Variants in MFSD11 observed in about 807,000 individuals in gnomAD.
MFSD11 encodes UNC93-like protein MFSD11.
Under a neutral mutation model 53.5 loss-of-function variants are expected in MFSD11, and 36 were observed. The ratio of observed to expected loss-of-function variants is 0.67; its 90% confidence interval spans 0.52 to 0.89. MFSD11 has a LOEUF of 0.89. MFSD11 is among the 40% of genes least tolerant of loss of function. The probability of loss-of-function intolerance (pLI) is 0.00; values close to 1 mark genes in which losing one functional copy is unlikely to be tolerated. For missense variants in MFSD11, 530 were observed against 543.9 expected, an observed-to-expected ratio of 0.97 and a Z score of 0.25; for synonymous variants, 186 against 184.9, an observed-to-expected ratio of 1.01 and a Z score of -0.05.
downstream of MFSD11, among the ~76,000 whole-genome samples, chr17:76,780,662 T>C (rs1419510168): frequency 6.6e-6 from 1 of 152,016 alleles, no homozygotes; most frequent in Non-Finnish European, 1.5e-5. Flanking sequence ...ATTACAGGCA[T>C]GCACCACCCC....
At chr17:76,772,498 C>T (rs563601973) in intron 10 of MFSD11, among the ~76,000 whole-genome samples, 10 of 150,574 alleles carry the variant, frequency 6.6e-5, no homozygotes, top group South Asian at 6.3e-4. Flanking sequence ...CTATTGTTAA[C>T]GCTCTACCTT....
At chr17:76,750,840 C>G (rs1174940128) in intron 7 of MFSD11, among the ~76,000 whole-genome samples, 2 of 146,320 alleles carry the variant, frequency 1.4e-5, no homozygotes, top group Non-Finnish European at 3.0e-5. Flanking sequence ...GTCTCGCTCT[C>G]TCACCCAGGC....
At chr17:76,791,066 A>G in the MFSD11 span, among the ~76,000 whole-genome samples, 2 of 148,942 alleles carry the variant, frequency 1.3e-5, no homozygotes, top group Non-Finnish European at 3.0e-5. Flanking sequence ...AGAAGGTCAA[A>G]CTTGACCTTC....
At chr17:76,758,146 T>C (rs2079834946) in intron 8 of MFSD11, among the ~76,000 whole-genome samples, 1 of 152,148 alleles carries the variant, frequency 6.6e-6, no homozygotes, top group Non-Finnish European at 1.5e-5. Flanking sequence ...CCCATGCTCA[T>C]AGAGGAATAT....
intron 5 of MFSD11, among the ~76,000 whole-genome samples, chr17:76,742,571 C>T (rs142645741): frequency 0.024 from 3,618 of 151,734 alleles, 144 homozygotes; most frequent in African/African-American, 0.082. Context: ...GGCACGATCT[C>T]GGCTTACTGC....
intron 1 of MFSD11, among the ~76,000 whole-genome samples, chr17:76,738,678 C>T (rs551529985): frequency 1.3e-5 from 2 of 152,186 alleles, no homozygotes; most frequent in East Asian, 3.9e-4. Flanking sequence ...TGGATGTTAA[C>T]CTGGTTATTT....
intron 1 of MFSD11, 69 bp from the exon 2 acceptor site, chr17:76,738,869 G>T: frequency 8.2e-7 from 1 of 1,223,152 alleles, no homozygotes; most frequent in Non-Finnish European, 1.2e-6. Flanking sequence ...AGTACTTGGA[G>T]TCACACTTCC....
At chr17:76,763,282 T>C (rs2144680894) in intron 8 of MFSD11, among the ~76,000 whole-genome samples, 1 of 152,142 alleles carries the variant, frequency 6.6e-6, no homozygotes, top group Middle Eastern at 3.4e-3. Flanking sequence ...TTTTTTTTTT[T>C]GAGGTGGAGT....
At chr17:76,796,748 T>A in the MFSD11 span, among the ~76,000 whole-genome samples, 3 of 142,246 alleles carry the variant, frequency 2.1e-5, no homozygotes, top group South Asian at 2.2e-4. Flanking sequence ...GAAGTGGATC[T>A]GAGGTCAAGA....
rs553170294 is a variant in MFSD11 at position 76,741,196 on chromosome 17, A to G, written c.260+132A>G. On this transcript the variant is annotated intron_variant, in intron 3 of 12. Transcript: ENST00000685175. The stretch of plus-strand genomic sequence containing the variant: ...GGTGGTATTTTACGAATTTTGGCTC[A>G]GTACTTGTTGCTCAGGGATATCATA... The G allele has an allele frequency of 2.5e-5, 16 of 642,846 alleles. 1 individual carries two copies. Among genetic ancestry groups the G allele is most frequent in the Middle Eastern group, 3.0e-4 (1 of 3,294 alleles). 39.8% of individuals were successfully genotyped at this position (642,846 alleles called of 1,614,324 possible).
chr17:76,796,422 G>A, the MFSD11 span, among the ~76,000 whole-genome samples: 5 of 151,954 alleles, frequency 3.3e-5, no homozygotes, highest in African/African-American at 4.8e-5. Flanking sequence ...AGTCTACATC[G>A]TACAGTCTAC....
the MFSD11 span, among the ~76,000 whole-genome samples, chr17:76,798,744 G>A: frequency 1.3e-5 from 2 of 152,182 alleles, no homozygotes; most frequent in Admixed American, 6.6e-5. Flanking sequence ...ATAAGGAAAT[G>A]AGGCAGGGCA....
rs373677182 is a variant in MFSD11 at position 76,743,773 on chromosome 17, C to T, written c.496+317C>T. Among the ~76,000 whole-genome samples the T allele has an allele frequency of 1.4e-4, 22 of 152,216 alleles. No individual in the cohort carries two copies. In the East Asian group the frequency reaches 1.9e-3, roughly 13 times the overall value. The stretch of plus-strand genomic sequence containing the variant: ...CTGGGATTACAGGCCTGCACCACCA[C>T]GCCCAGCTAATTTTGTATTTTTAGT... On this transcript the variant is annotated intron_variant, in intron 6 of 12. Coordinates refer to ENST00000685175, the MANE Select transcript of MFSD11 (RefSeq NM_001242532.5).
chr17:76,742,043 C>T lies in MFSD11; in HGVS notation c.335C>T (p.Ala112Val), dbSNP rs375253677. 6.2e-7 allele frequency: 1 copy of T among 1,614,090 alleles called. No individual in the cohort carries two copies. Among genetic ancestry groups the T allele is most frequent in the Non-Finnish European group, 8.5e-7 (1 of 1,180,044 alleles). The change falls in exon 4 of 13, where the codon GCT becomes GTT. Residue 112 changes from alanine (A) to valine (V), a missense_variant. Ala to Val is a moderately conservative substitution (Grantham distance 64, BLOSUM62 0). Transcript: ENST00000685175. ...YTASVFIGIAAAVLWTAQGNC... is the reference protein window; with the variant it reads ...YTASVFIGIAVAVLWTAQGNC... ...GCCTCTGTTTTCATTGGAATTGCTGCTGCTGGTAAGCATTTTGATTTTTAA... is the reference window on the plus strand; with the variant it reads ...GCCTCTGTTTTCATTGGAATTGCTGTTGCTGGTAAGCATTTTGATTTTTAA...
chr17:76,777,627 TG>T (rs1320526310), intron 12 of MFSD11, among the ~76,000 whole-genome samples: 1 of 152,156 alleles, frequency 6.6e-6, no homozygotes, highest in Non-Finnish European at 1.5e-5. Flanking sequence ...AAATGAAAGT[TG>T]GGGACATCCT....
At chr17:76,770,035 T>TC (rs1382645694) in intron 10 of MFSD11, among the ~76,000 whole-genome samples, 164 bp downstream of exon 10, 1 of 147,404 alleles carries the variant, frequency 6.8e-6, no homozygotes, top group African/African-American at 2.5e-5. Context: ...CTTTTTCTTT[T>TC]TTTTTTTTTT....
At chr17:76,743,170 T>G (rs907562859) in intron 5 of MFSD11, among the ~76,000 whole-genome samples, 2 of 152,176 alleles carry the variant, frequency 1.3e-5, no homozygotes. Context: ...TGCCTCTGAA[T>G]CAGGTTACTG....
At chr17:76,758,089 G>A (rs1453360545) in intron 8 of MFSD11, among the ~76,000 whole-genome samples, 1 of 152,102 alleles carries the variant, frequency 6.6e-6, no homozygotes, top group Non-Finnish European at 1.5e-5. Context: ...AGATTCATTT[G>A]CAAACATCAG....
chr17:76,745,535 T>G (rs1371561613), intron 7 of MFSD11: 1 of 152,254 alleles, frequency 6.6e-6, no homozygotes, highest in East Asian at 1.9e-4. Context: ...TTCAAACATT[T>G]CATTCTTATG....
Sources: gnomAD v4.1 joint callset for allele counts (sites outside exome capture counted in the v4.1 genomes callset) on GRCh38, gnomAD v4.1.1 for gene constraint, MANE v1.5 for transcripts, NCBI Gene and HGNC (gene_info 2026-07-23, HGNC 2026-07-21) for gene names.